PRKAR1B: variants seen among roughly 807,000 people sequenced by gnomAD.
The protein encoded by PRKAR1B is protein kinase cAMP-dependent type I regulatory subunit beta, also known as cAMP-dependent protein kinase type I-beta regulatory subunit.
Under a neutral mutation model 46.5 loss-of-function variants are expected in PRKAR1B, and 22 were observed. The ratio of observed to expected loss-of-function variants is 0.47; its 90% CI spans 0.34 to 0.68. The LOEUF (loss-of-function observed/expected upper bound fraction) is 0.68. Ranked by LOEUF, PRKAR1B falls within the 30% of genes least tolerant of loss-of-function variation. The probability of loss-of-function intolerance (pLI) is 0.01; values close to 1 mark genes in which losing one functional copy is unlikely to be tolerated. For synonymous variants in PRKAR1B, 259 were observed against 217.7 expected, an observed-to-expected ratio of 1.19 and a Z score of -1.67; for missense variants, 445 against 535.6, an observed-to-expected ratio of 0.83 and a Z score of 1.67.
Position 549,287 on chromosome 7 carries a change from A to C in PRKAR1B, c.*1143T>G, listed in dbSNP as rs1784029762. On this transcript the variant is annotated 3_prime_UTR_variant, in exon 11 of 11. Transcript: ENST00000537384. Reference sequence around the variant, plus strand: ...ACAGGTCCACAGGGACGTCACAGGCACAGGCGGGACACGGCGACGTGGCCG... The same window carrying C: ...ACAGGTCCACAGGGACGTCACAGGCCCAGGCGGGACACGGCGACGTGGCCG... 1 of 152,302 alleles carries C rather than the reference A, an allele frequency of 6.6e-6. No homozygotes were observed. Among genetic ancestry groups the C allele is most frequent in the African/African-American group, 2.4e-5 (1 of 41,440 alleles). 9.4% of individuals were successfully genotyped at this position (152,302 alleles called of 1,614,324 possible).
At chr7:725,091 G>A (rs1397088491) in intron 1 of PRKAR1B, among the ~76,000 whole-genome samples, 2 of 152,018 alleles carry the variant, frequency 1.3e-5, no homozygotes, top group Non-Finnish European at 2.9e-5. Context: ...GTGGGCACCT[G>A]CAGTCCCAGC....
intron 4 of PRKAR1B, among the ~76,000 whole-genome samples, chr7:669,493 G>A (rs1242807803): frequency 6.6e-6 from 1 of 152,164 alleles, no homozygotes; most frequent in Non-Finnish European, 1.5e-5. Context: ...GCTGGGTGCA[G>A]TGGCTCACAC....
At chr7:684,871 CACAG>C (rs1348538439) in intron 2 of PRKAR1B, among the ~76,000 whole-genome samples, 1 of 146,882 alleles carries the variant, frequency 6.8e-6, no homozygotes, top group African/African-American at 2.7e-5. Flanking sequence ...ACCCACTTCA[CACAG>C]ACACACACAC....
intron 4 of PRKAR1B, among the ~76,000 whole-genome samples, chr7:637,104 C>T (rs530238427): frequency 6.6e-6 from 1 of 151,712 alleles, no homozygotes; most frequent in Non-Finnish European, 1.5e-5. Context: ...TGGGCCACAC[C>T]GCGAAACCCC....
chr7:650,603 G>A lies in PRKAR1B; in HGVS notation c.440+26626C>T, dbSNP rs190113037. ...ACGTCCCGCCATTGCCACCCGAACA[G>A]CGTGGGGCACCTGTGGAATGGAGGC... On this transcript the variant is annotated intron_variant, in intron 4 of 10. Coordinates refer to ENST00000537384, the MANE Select transcript of PRKAR1B (RefSeq NM_001164760.2). Among the ~76,000 whole-genome samples, 562 of 152,354 alleles carry A rather than the reference G, an allele frequency of 3.7e-3. 1 individual carries two copies. The highest frequency in any genetic ancestry group is 6.3e-3 in the Non-Finnish European group (428 of 68,028).
chr7:715,307 C>T (rs1458039524), intron 1 of PRKAR1B, among the ~76,000 whole-genome samples: 2 of 152,168 alleles, frequency 1.3e-5, no homozygotes, highest in Non-Finnish European at 2.9e-5. Context: ...CCCCAAAACA[C>T]ACACTGACAA....
At chr7:676,302 C>T (rs1263488038) in intron 4 of PRKAR1B, among the ~76,000 whole-genome samples, 1 of 152,208 alleles carries the variant, frequency 6.6e-6, no homozygotes, top group Admixed American at 6.5e-5. Flanking sequence ...CAGCCCTCTC[C>T]CTGAATAACC....
At chr7:606,382 A>G in intron 5 of PRKAR1B, 143 bp from the exon 6 acceptor site, 1 of 608,328 alleles carries the variant, frequency 1.6e-6, no homozygotes, top group Non-Finnish European at 2.9e-6. Context: ...TTTAATGACA[A>G]GATTATACAA....
intron 4 of PRKAR1B, among the ~76,000 whole-genome samples, chr7:623,136 T>C (rs1436303852): frequency 2.6e-5 from 4 of 152,210 alleles, no homozygotes; most frequent in Admixed American, 2.6e-4. Flanking sequence ...CCTCTTCCAC[T>C]GTTTAGGTGA....
chr7:703,760 A>G (rs1280886105), intron 2 of PRKAR1B, among the ~76,000 whole-genome samples: 6 of 152,194 alleles, frequency 3.9e-5, no homozygotes, highest in Non-Finnish European at 8.8e-5. Flanking sequence ...ACCCAACAGC[A>G]GCACACAGTG....
intron 7 of PRKAR1B, among the ~76,000 whole-genome samples, chr7:594,854 T>C (rs906156504): frequency 2.6e-5 from 4 of 151,734 alleles, no homozygotes; most frequent in Non-Finnish European, 5.9e-5. Context: ...CCCCAGATCA[T>C]GACGAGACCA....
At chr7:700,170 A>C (rs1779984219) in intron 2 of PRKAR1B, among the ~76,000 whole-genome samples, 1 of 152,178 alleles carries the variant, frequency 6.6e-6, no homozygotes, top group Non-Finnish European at 1.5e-5. Flanking sequence ...AGAACCACAG[A>C]AAAGGTGCTG....
At chr7:707,963 CCCA>C (rs1018441432) in intron 2 of PRKAR1B, among the ~76,000 whole-genome samples, 1 of 151,682 alleles carries the variant, frequency 6.6e-6, no homozygotes, top group African/African-American at 2.4e-5. Flanking sequence ...AAGGAGCCAT[CCCA>C]CCACACCTTG....
At chr7:568,116 A>G (rs901262573) in intron 9 of PRKAR1B, among the ~76,000 whole-genome samples, 3 of 152,206 alleles carry the variant, frequency 2.0e-5, no homozygotes, top group Admixed American at 2.0e-4. Context: ...CACTCCACCT[A>G]TGGCCTCAGC....
chr7:643,709 G>C (rs187283597), intron 4 of PRKAR1B, among the ~76,000 whole-genome samples: 1 of 151,524 alleles, frequency 6.6e-6, no homozygotes, highest in African/African-American at 2.4e-5. Context: ...GCGACAGAGC[G>C]AGACTCCATC....
chr7:723,613 C>T (rs1482796206), intron 1 of PRKAR1B, among the ~76,000 whole-genome samples: 1 of 152,220 alleles, frequency 6.6e-6, no homozygotes, highest in East Asian at 1.9e-4. Flanking sequence ...TCGTCTTCAG[C>T]ACTCACTGCC....
At chr7:588,828 ATGG>A (rs1480885751) in intron 7 of PRKAR1B, among the ~76,000 whole-genome samples, 8 of 19,296 alleles carry the variant, frequency 4.1e-4, no homozygotes, top group African/African-American at 6.2e-4. Flanking sequence ...GATGGTGGTG[ATGG>A]TGGTGATGGT....
intron 4 of PRKAR1B, among the ~76,000 whole-genome samples, chr7:651,143 T>G (rs2128489954): frequency 6.6e-6 from 1 of 152,342 alleles, no homozygotes; most frequent in South Asian, 2.1e-4. Flanking sequence ...TACTCTGCCC[T>G]GTCTCTGCCT....
At chr7:691,204 T>C (rs79666384) in intron 2 of PRKAR1B, among the ~76,000 whole-genome samples, 4,166 of 143,880 alleles carry the variant, frequency 0.029, 219 homozygotes, top group African/African-American at 0.1. Flanking sequence ...CAAAGGGTCC[T>C]GTGCCCACTC....
Sources: gnomAD v4.1 joint callset for allele counts (sites outside exome capture counted in the v4.1 genomes callset) on GRCh38, gnomAD v4.1.1 for gene constraint, MANE v1.5 for transcripts, NCBI Gene and HGNC (gene_info 2026-07-23, HGNC 2026-07-21) for gene names.